The following LEPR variants were observed in gnomAD, a reference collection of about 807,000 sequenced individuals.
The protein encoded by LEPR is OB receptor.
A neutral mutation model predicts 114.7 loss-of-function variants in LEPR; 56 were observed. The observed-to-expected ratio is 0.49, with a 90% CI of 0.39 to 0.61. LEPR has a LOEUF of 0.61. Ranked by LOEUF, LEPR falls within the 20% of genes least tolerant of loss-of-function variation. The pLI, the probability that LEPR is intolerant of heterozygous loss-of-function variation, is 0.00. For synonymous variants in LEPR, 443 were observed against 461.4 expected, an observed-to-expected ratio of 0.96 and a Z score of 0.51; for missense variants, 1,202 against 1,352.9, an observed-to-expected ratio of 0.89 and a Z score of 1.75.
chr1:65,434,154 T>C (rs1044337412), intron 2 of LEPR: 24 of 984,172 alleles, frequency 2.4e-5, no homozygotes, highest in Non-Finnish European at 2.8e-5. Flanking sequence ...TTTGAAGTGA[T>C]AGATTATTAG....
At position 65,618,153 on chromosome 1, in the gene LEPR, T is replaced by G. The variant is rs375325888; in HGVS notation, c.2395+7T>G. The stretch of plus-strand genomic sequence containing the variant: ...AAGAAGTATTATATCCATGGTAAGT[T>G]TACTATACTTTAGTAAGTTGCTCTC... On this transcript the variant is annotated splice_region_variant and intron_variant, in intron 16 of 19. Transcript: ENST00000349533. 6.3e-7 allele frequency: 1 copy of G among 1,597,972 alleles called. No homozygotes were observed. The highest frequency in any genetic ancestry group is 8.5e-7 in the Non-Finnish European group (1 of 1,170,888).
intron 2 of LEPR, among the ~76,000 whole-genome samples, chr1:65,527,391 A>G (rs552365427): frequency 6.6e-6 from 1 of 152,234 alleles, no homozygotes; most frequent in East Asian, 1.9e-4. Flanking sequence ...ACGCACACAC[A>G]AAAGTGTCTA....
intron 1 of LEPR, chr1:65,421,547 C>A: frequency 6.9e-7 from 1 of 1,452,382 alleles, no homozygotes; most frequent in Non-Finnish European, 9.3e-7. Flanking sequence ...GAAATTTGCA[C>A]CCAAAGATAT....
In LEPR at chr1:65,420,718, G is replaced by A. The variant is rs1243885411; in HGVS notation, c.-119G>A. Reference sequence around the variant, plus strand: ...CCGGAAGCAGCCGCGGCCCCAGTTCGGGAGACATGGCGGGCGTTAAAGGTA... The same window carrying A: ...CCGGAAGCAGCCGCGGCCCCAGTTCAGGAGACATGGCGGGCGTTAAAGGTA... On this transcript the variant is annotated 5_prime_UTR_variant, in exon 1 of 20. Transcript: ENST00000349533. The A allele has an allele frequency of 6.3e-7, 1 of 1,583,632 alleles. No homozygotes were observed. Among genetic ancestry groups the A allele is most frequent in the African/African-American group, 1.3e-5 (1 of 74,512 alleles).
chr1:65,536,501 C>G (rs1650788135), intron 2 of LEPR, among the ~76,000 whole-genome samples: 1 of 152,010 alleles, frequency 6.6e-6, no homozygotes, highest in African/African-American at 2.4e-5. Context: ...ATTTTTGTAT[C>G]AGTAAAAAGA....
intron 19 of LEPR, chr1:65,634,102 A>G: frequency 1.0e-6 from 1 of 985,346 alleles, no homozygotes; most frequent in Non-Finnish European, 1.2e-6. Flanking sequence ...CTACTTTCAG[A>G]CAGACTGCTT....
intron 2 of LEPR, among the ~76,000 whole-genome samples, chr1:65,439,564 C>G (rs1646619605): frequency 6.6e-6 from 1 of 152,122 alleles, no homozygotes; most frequent in Non-Finnish European, 1.5e-5. Context: ...TGCCTGTAAT[C>G]CCAGCACTTT....
intron 19 of LEPR, 33 bp downstream of exon 19, chr1:65,623,014 T>C: frequency 2.5e-6 from 4 of 1,601,992 alleles, no homozygotes; most frequent in Non-Finnish European, 3.4e-6. Context: ...ACCCAGAATA[T>C]ATACGATTGC....
chr1:65,427,369 T>C (rs1189876598), intron 2 of LEPR, among the ~76,000 whole-genome samples: 1 of 151,562 alleles, frequency 6.6e-6, no homozygotes, highest in Non-Finnish European at 1.5e-5. Flanking sequence ...AAGCCAGGAG[T>C]TTGAGACCAG....
intron 12 of LEPR, 56 bp downstream of exon 12, chr1:65,608,957 T>G: frequency 1.2e-6 from 2 of 1,600,174 alleles, no homozygotes; most frequent in Non-Finnish European, 1.7e-6. Flanking sequence ...TTATAATATG[T>G]AAGAGTTTAA....
At chr1:65,612,342 A>G (rs1388632871) in intron 14 of LEPR, among the ~76,000 whole-genome samples, 3 of 152,242 alleles carry the variant, frequency 2.0e-5, no homozygotes, top group Non-Finnish European at 4.4e-5. Context: ...ATTTGTTACA[A>G]TGAATTAAAC....
At chr1:65,502,219 C>T (rs1393974812) in intron 2 of LEPR, among the ~76,000 whole-genome samples, 1 of 152,036 alleles carries the variant, frequency 6.6e-6, no homozygotes, top group Admixed American at 6.6e-5. Context: ...TGTAATATGT[C>T]TTATGAAGTC....
intron 2 of LEPR, among the ~76,000 whole-genome samples, chr1:65,542,504 T>C (rs1651305641): frequency 6.6e-6 from 1 of 151,918 alleles, no homozygotes; most frequent in African/African-American, 2.4e-5. Context: ...GTGATACATG[T>C]GCAGAATGTG....
intron 1 of LEPR, 152 bp downstream of exon 1, chr1:65,420,892 C>A (rs1646233147): frequency 3.9e-6 from 4 of 1,036,220 alleles, no homozygotes; most frequent in Non-Finnish European, 5.7e-6. Context: ...CCGCTCCCTT[C>A]GTCCCTTGGG....
At chr1:65,457,041 C>T in intron 2 of LEPR, among the ~76,000 whole-genome samples, 1 of 152,232 alleles carries the variant, frequency 6.6e-6, no homozygotes, top group Non-Finnish European at 1.5e-5. Context: ...TTGCAAGAAT[C>T]CAATCCTTCA....
chr1:65,616,176 G>C lies in LEPR; in HGVS notation c.2164G>C (p.Ala722Pro), dbSNP rs775345681. ...VTVLAINSIG[A>P]SVANFNLTFS... is the part of the protein sequence containing the mutation. ...GGTTCTGGCCATCAATTCAATTGGT[G>C]CTTCTGTTGCAAATTTTAATTTAAC... Residue 722 changes from alanine (A) to proline (P), a missense_variant, in exon 15 of 20, where the codon GCT becomes CCT. Coordinates refer to ENST00000349533, the MANE Select transcript of LEPR (RefSeq NM_002303.6). The C allele has an allele frequency of 1.2e-6, 2 of 1,614,106 alleles. No individual in the cohort carries two copies. Among genetic ancestry groups the C allele is most frequent in the East Asian group, 4.5e-5 (2 of 44,872 alleles).
intron 2 of LEPR, among the ~76,000 whole-genome samples, chr1:65,443,970 T>TA (rs1186265498): frequency 0.029 from 1,234 of 42,340 alleles, 385 homozygotes; most frequent in Non-Finnish European, 0.072. Flanking sequence ...TTTTTTTTTT[T>TA]TTATACTCTA....
intron 2 of LEPR, among the ~76,000 whole-genome samples, chr1:65,565,149 G>A (rs1653639852): frequency 1.3e-5 from 2 of 152,176 alleles, no homozygotes; most frequent in Non-Finnish European, 1.5e-5. Flanking sequence ...TTAGAAAACA[G>A]GGAAATTTTA....
Position 65,638,455 on chromosome 1 carries a change from G to A in LEPR, c.*1440G>A, listed in dbSNP as rs1658785432. On this transcript the variant is annotated 3_prime_UTR_variant, in exon 20 of 20. Coordinates refer to ENST00000349533, the MANE Select transcript of LEPR (RefSeq NM_002303.6). ...GGCAAGAAGACCTTCAAGAATATCA[G>A]TATCATCAAAATAAGTACTTTAGTG... 1.3e-5 allele frequency: 2 copies of A among 152,138 alleles called. No individual in the cohort carries two copies. The highest frequency in any genetic ancestry group is 2.9e-5 in the Non-Finnish European group (2 of 68,020). The allele number at this position is 152,138 out of a possible 1,614,324, so 9.4% of individuals were successfully genotyped here. A position where few individuals can be genotyped will look rare whatever the true frequency, so the allele number is the denominator to read the frequency against.
Sources: allele counts gnomAD v4.1 joint callset (sites outside exome capture counted in the v4.1 genomes callset), GRCh38; gene constraint gnomAD v4.1.1; transcripts MANE v1.5; gene names NCBI Gene and HGNC (gene_info 2026-07-23, HGNC 2026-07-21).